KAZN: variants seen among roughly 807,000 people sequenced by gnomAD.
The protein encoded by KAZN is kazrin, periplakin interacting protein, also known as kazrin.
In KAZN, 40 loss-of-function variants were observed where a neutral mutation model predicts 87.4. That is an observed-to-expected ratio of 0.46 (90% confidence interval 0.36 to 0.60). The LOEUF is 0.60. Among genes scored for constraint, KAZN ranks in the 20% least tolerant of loss-of-function variants. KAZN has a pLI of 0.00. For missense variants in KAZN, 898 were observed against 1,073.9 expected (o/e 0.84, Z 2.29); for synonymous variants, 466 against 458.3 (o/e 1.02, Z -0.22).
At chr1:14,049,730 C>T (rs770217402) in intron 1 of KAZN, among the ~76,000 whole-genome samples, 6 of 152,090 alleles carry the variant, frequency 3.9e-5, no homozygotes, top group African/African-American at 1.2e-4. Context: ...CTGATGTTGA[C>T]GGAGATTTTT....
rs529419388 is a variant in KAZN, at chr1:15,021,357, G to A, written c.419-13392G>A. On this transcript the variant is annotated intron_variant, in intron 2 of 14. Coordinates refer to ENST00000376030, the MANE Select transcript of KAZN (RefSeq NM_201628.3). This position sits in a 1 kb window ranked among gnomAD's most constrained non-coding sequence, Gnocchi z 4.2. ...CCAGAAATCTCCATTTCCCCCTCCCGCTTCAACCTAGGGAATGTCCGTGTT... is the reference window on the plus strand; with the variant it reads ...CCAGAAATCTCCATTTCCCCCTCCCACTTCAACCTAGGGAATGTCCGTGTT... Among the ~76,000 whole-genome samples the A allele has an allele frequency of 8.7e-4, 132 of 152,156 alleles. No homozygotes were observed. Among genetic ancestry groups the A allele is most frequent in the Non-Finnish European group, 1.1e-3 (78 of 67,992 alleles).
At chr1:14,729,694 G>A (rs757261095) in intron 1 of KAZN, among the ~76,000 whole-genome samples, 12 of 152,138 alleles carry the variant, frequency 7.9e-5, no homozygotes, top group Admixed American at 1.3e-4. Context: ...TCACTGGCTC[G>A]AAATGGAGAA....
At chr1:14,392,935 A>G (rs1196182104) in intron 2 of KAZN, among the ~76,000 whole-genome samples, 1 of 152,062 alleles carries the variant, frequency 6.6e-6, no homozygotes, top group Non-Finnish European at 1.5e-5. Flanking sequence ...AGGGGAGGGT[A>G]TTGTTTGCCT....
chr1:14,301,556 G>A (rs997569687), intron 2 of KAZN, among the ~76,000 whole-genome samples: 2 of 152,194 alleles, frequency 1.3e-5, no homozygotes, highest in Non-Finnish European at 1.5e-5. Flanking sequence ...GCTGGCACCC[G>A]CCTTCCTCTT....
intron 2 of KAZN, among the ~76,000 whole-genome samples, chr1:14,966,745 C>T (rs1664497329): frequency 6.6e-6 from 1 of 152,150 alleles, no homozygotes; most frequent in Middle Eastern, 3.2e-3. Context: ...CATCTCAGCT[C>T]ACTGCAACCT....
intron 2 of KAZN, among the ~76,000 whole-genome samples, chr1:14,439,904 A>G (rs1389052208): frequency 6.6e-6 from 1 of 152,074 alleles, no homozygotes; most frequent in Non-Finnish European, 1.5e-5. Flanking sequence ...GTCCTTCTTC[A>G]GCATGTTTAA....
At chr1:14,011,247 G>C (rs1640289710) in intron 1 of KAZN, among the ~76,000 whole-genome samples, 1 of 152,172 alleles carries the variant, frequency 6.6e-6, no homozygotes, top group African/African-American at 2.4e-5. Flanking sequence ...ACGTGATCTG[G>C]TGGCTGCCTG....
chr1:14,954,183 G>A (rs947505937), intron 1 of KAZN, among the ~76,000 whole-genome samples: 2 of 152,164 alleles, frequency 1.3e-5, no homozygotes, highest in African/African-American at 4.8e-5. Flanking sequence ...GGCTCCCTGG[G>A]GCAGGAGGGC....
intron 1 of KAZN, chr1:14,124,320 T>A (rs1644815950): frequency 6.6e-6 from 1 of 152,236 alleles, no homozygotes; most frequent in Admixed American, 6.5e-5. Context: ...TTTTAATATG[T>A]ACTGCCGAAG....
intron 2 of KAZN, among the ~76,000 whole-genome samples, chr1:14,528,823 C>T (rs1487371486): frequency 6.6e-6 from 1 of 151,784 alleles, no homozygotes; most frequent in Non-Finnish European, 1.5e-5. Flanking sequence ...GCTGCACATC[C>T]GCAATTTCTT....
At chr1:13,997,970 C>A (rs1207526204) in intron 1 of KAZN, among the ~76,000 whole-genome samples, 1 of 152,028 alleles carries the variant, frequency 6.6e-6, no homozygotes, top group Non-Finnish European at 1.5e-5. Context: ...TTAAGGGCAG[C>A]CAGAGAGAAA....
rs540131653 is a variant in KAZN, at chr1:14,088,556, C to T, written c.92-91879C>T. Among the ~76,000 whole-genome samples the T allele has an allele frequency of 7.9e-5, 12 of 152,024 alleles. No homozygotes were observed. The East Asian group carries it at 1.5e-3, about 20-fold the overall frequency. On this transcript the variant is annotated intron_variant, in intron 1 of 16. Coordinates refer to the KAZN transcript ENST00000636203. ...AAAGATTGTTTTATGATCCAGAATA[C>T]GATCTATTTTGGTAAATATTCCATG...
At chr1:14,376,146 G>A (rs1018976835) in intron 2 of KAZN, among the ~76,000 whole-genome samples, 1 of 152,146 alleles carries the variant, frequency 6.6e-6, no homozygotes, top group African/African-American at 2.4e-5. Flanking sequence ...CCCATTTCCT[G>A]TGGGAATGTT....
At chr1:14,794,253 C>A (rs1262208026) in intron 1 of KAZN, among the ~76,000 whole-genome samples, 2 of 152,144 alleles carry the variant, frequency 1.3e-5, no homozygotes, top group Non-Finnish European at 2.9e-5. Context: ...CTAAACCCGA[C>A]AGAGTTAGGA....
intron 2 of KAZN, among the ~76,000 whole-genome samples, chr1:14,483,863 C>G (rs1009375786): frequency 2.0e-5 from 3 of 152,122 alleles, no homozygotes; most frequent in Admixed American, 6.5e-5. Flanking sequence ...AGCCATTGCC[C>G]TATGTTTTCT....
intron 1 of KAZN, among the ~76,000 whole-genome samples, chr1:13,897,226 T>G (rs1639078616): frequency 6.6e-6 from 1 of 152,202 alleles, no homozygotes; most frequent in Non-Finnish European, 1.5e-5. Context: ...AGTGAAACCA[T>G]GCGAACCATA....
intron 1 of KAZN, among the ~76,000 whole-genome samples, chr1:14,174,803 G>A (rs762666923): frequency 2.0e-5 from 3 of 152,138 alleles, no homozygotes; most frequent in Non-Finnish European, 4.4e-5. Context: ...TCATGTGGTA[G>A]GTACTGTGAC....
chr1:14,989,088 G>T (rs1371361655), intron 2 of KAZN, among the ~76,000 whole-genome samples: 1 of 152,220 alleles, frequency 6.6e-6, no homozygotes, highest in Non-Finnish European at 1.5e-5. Context: ...CTTTCCTGGA[G>T]CCTCATGTAC....
intron 1 of KAZN, among the ~76,000 whole-genome samples, chr1:14,111,263 C>T (rs967100552): frequency 1.5e-5 from 2 of 134,138 alleles, no homozygotes; most frequent in Non-Finnish European, 3.2e-5. Flanking sequence ...CAGGATATGC[C>T]GATCCACTAA....
Sources: allele counts gnomAD v4.1 joint callset (sites outside exome capture counted in the v4.1 genomes callset), GRCh38; gene constraint gnomAD v4.1.1; non-coding constraint Gnocchi (gnomAD v3.1); transcripts MANE v1.5; gene names NCBI Gene and HGNC (gene_info 2026-07-23, HGNC 2026-07-21).